Variants in ATP11B observed in about 807,000 individuals in gnomAD.
ATP11B encodes the protein phospholipid-transporting ATPase IF.
ATP11B carries 81 observed loss-of-function variants against 157.8 expected under a neutral mutation model. The observed-to-expected ratio is 0.51, with a 90% CI of 0.43 to 0.62. The LOEUF (loss-of-function observed/expected upper bound fraction) is 0.62. Among genes scored for constraint, ATP11B ranks in the 20% least tolerant of loss-of-function variants. The probability of loss-of-function intolerance (pLI) is 0.00; values close to 1 mark genes in which losing one functional copy is unlikely to be tolerated. For synonymous variants in ATP11B, 451 were observed against 469.4 expected, an observed-to-expected ratio of 0.96 and a Z score of 0.51; for missense variants, 1,165 against 1,402.2, an observed-to-expected ratio of 0.83 and a Z score of 2.70.
At chr3:182,794,443 C>T (rs1228988307) in intron 1 of ATP11B, among the ~76,000 whole-genome samples, 1 of 152,228 alleles carries the variant, frequency 6.6e-6, no homozygotes, top group Non-Finnish European at 1.5e-5. Flanking sequence ...ACGATACGTA[C>T]TGTCGTTTCC....
At chr3:182,887,239 G>A (rs1722858842) in intron 23 of ATP11B, among the ~76,000 whole-genome samples, 1 of 152,138 alleles carries the variant, frequency 6.6e-6, no homozygotes. Context: ...TGTTGCATGT[G>A]GAAGGAGTAG....
chr3:182,814,521 A>G (rs1339793225), intron 1 of ATP11B, among the ~76,000 whole-genome samples: 1 of 152,186 alleles, frequency 6.6e-6, no homozygotes, highest in Non-Finnish European at 1.5e-5. Context: ...GAATTTTACA[A>G]TCTGAGCAGA....
At chr3:182,870,324 T>C (rs193141822) in intron 17 of ATP11B, among the ~76,000 whole-genome samples, 1 of 152,350 alleles carries the variant, frequency 6.6e-6, no homozygotes, top group African/African-American at 2.4e-5. Flanking sequence ...CTCTCAGTCT[T>C]AGAACTTCAT....
intron 1 of ATP11B, among the ~76,000 whole-genome samples, chr3:182,801,546 T>C (rs1489359105): frequency 6.6e-6 from 1 of 152,238 alleles, no homozygotes; most frequent in African/African-American, 2.4e-5. Context: ...GCAAATGGTA[T>C]AATTTATCCT....
chr3:182,793,680 C>G lies in ATP11B; in HGVS notation c.-80C>G. ...CTTCGGCCCGAGGGGCTCGCCCGCT[C>G]CCGCCTCTGTCTTGTCGGCCTCCAC... On this transcript the variant is annotated 5_prime_UTR_variant, in exon 1 of 30. Coordinates refer to ENST00000323116, the MANE Select transcript of ATP11B (RefSeq NM_014616.3). 3 of 991,708 alleles carry G rather than the reference C, an allele frequency of 3.0e-6. No homozygotes were observed. Among genetic ancestry groups the G allele is most frequent in the South Asian group, 1.8e-5 (1 of 56,916 alleles). 61.4% of individuals were successfully genotyped at this position (991,708 alleles called of 1,614,324 possible).
chr3:182,901,412 A>G (rs1379823996), intron 28 of ATP11B, among the ~76,000 whole-genome samples: 3 of 151,728 alleles, frequency 2.0e-5, no homozygotes, highest in Non-Finnish European at 4.4e-5. Context: ...CCTTTATCCA[A>G]AGTGCTTGTT....
rs1715385880 is a variant in ATP11B, at chr3:182,793,652, G to C, written c.-108G>C. 1.6e-6 allele frequency: 1 copy of C among 640,304 alleles called. No individual in the cohort carries two copies. 39.7% of individuals were successfully genotyped at this position (640,304 alleles called of 1,614,324 possible). A position where few individuals can be genotyped will look rare whatever the true frequency, so the allele number is the denominator to read the frequency against. On this transcript the variant is annotated 5_prime_UTR_variant, in exon 1 of 30. Transcript: ENST00000323116. ...GCAGTGGCGGCGGCGGCGGTAAGCGGAACTTCGGCCCGAGGGGCTCGCCCG... is the reference window on the plus strand; with the variant it reads ...GCAGTGGCGGCGGCGGCGGTAAGCGCAACTTCGGCCCGAGGGGCTCGCCCG...
chr3:182,849,026 A>G (rs1434140656), intron 10 of ATP11B, among the ~76,000 whole-genome samples: 6 of 152,218 alleles, frequency 3.9e-5, no homozygotes, highest in African/African-American at 1.2e-4. Context: ...TACTGGATAG[A>G]AGTATCAGAG....
At chr3:182,799,768 C>G (rs1012779565) in intron 1 of ATP11B, among the ~76,000 whole-genome samples, 5 of 151,854 alleles carry the variant, frequency 3.3e-5, no homozygotes, top group Non-Finnish European at 5.9e-5. Flanking sequence ...CTCAGATATT[C>G]TTTATTTTGC....
chr3:182,869,855 C>T (rs1721518835), intron 17 of ATP11B, among the ~76,000 whole-genome samples: 1 of 152,122 alleles, frequency 6.6e-6, no homozygotes, highest in African/African-American at 2.4e-5. Flanking sequence ...TGGAAAACCC[C>T]AAATGTCCAG....
Position 182,919,571 on chromosome 3 carries a change from A to T in ATP11B, c.*1467A>T, listed in dbSNP as rs540740214. ...ATAATGATTGTATACATATTAAGAT[A>T]ATGGTTAAATGCGGTTTTACCAAGT... On this transcript the variant is annotated 3_prime_UTR_variant, in exon 30 of 30. Transcript: ENST00000323116. 5 of 152,444 alleles carry T rather than the reference A, an allele frequency of 3.3e-5. No individual in the cohort carries two copies. In the East Asian group the frequency reaches 9.6e-4, roughly 29 times the overall value. The allele number at this position is 152,444 out of a possible 1,614,324, so 9.4% of individuals were successfully genotyped here.
chr3:182,837,925 TAAAA>T, intron 7 of ATP11B, among the ~76,000 whole-genome samples: 1 of 152,174 alleles, frequency 6.6e-6, no homozygotes, highest in South Asian at 2.1e-4. Context: ...TTTTTATTAT[TAAAA>T]AATTAAACGA....
At chr3:182,894,909 G>C (rs1020115411) in intron 25 of ATP11B, among the ~76,000 whole-genome samples, 4 of 151,656 alleles carry the variant, frequency 2.6e-5, no homozygotes, top group Non-Finnish European at 4.4e-5. Context: ...CTTGAGCCCA[G>C]GAGTTCAAGA....
intron 8 of ATP11B, among the ~76,000 whole-genome samples, chr3:182,842,503 C>T (rs1719129433): frequency 6.6e-6 from 1 of 152,272 alleles, no homozygotes; most frequent in Non-Finnish European, 1.5e-5. Flanking sequence ...CTCTGGAAGC[C>T]CTCCCATCCC....
At chr3:182,810,183 A>T (rs1270005190) in intron 1 of ATP11B, among the ~76,000 whole-genome samples, 1 of 151,978 alleles carries the variant, frequency 6.6e-6, no homozygotes, top group African/African-American at 2.4e-5. Context: ...AATACAAAAG[A>T]TAGCCTGGCA....
intron 28 of ATP11B, among the ~76,000 whole-genome samples, chr3:182,912,914 T>TA (rs1724893173): frequency 6.6e-6 from 1 of 151,474 alleles, no homozygotes; most frequent in African/African-American, 2.4e-5. Context: ...GTTTTTTTTT[T>TA]AAAACAACAG....
chr3:182,916,835 A>AT, intron 29 of ATP11B: 1 of 984,274 alleles, frequency 1.0e-6, no homozygotes, highest in Non-Finnish European at 1.2e-6. Context: ...CTGACTCCGG[A>AT]TAATTGGAGT....
intron 7 of ATP11B, among the ~76,000 whole-genome samples, chr3:182,840,306 CT>C (rs1264345427): frequency 6.6e-6 from 1 of 152,172 alleles, no homozygotes; most frequent in Admixed American, 6.5e-5. Context: ...AGTTTTTCCT[CT>C]TGTCCCAGTC....
chr3:182,799,856 G>GT (rs1715873934), intron 1 of ATP11B, among the ~76,000 whole-genome samples: 1 of 152,124 alleles, frequency 6.6e-6, no homozygotes, highest in South Asian at 2.1e-4. Context: ...GCTCAAACCT[G>GT]TAACCTCGGC....
Sources: gnomAD v4.1 joint callset for allele counts (sites outside exome capture counted in the v4.1 genomes callset) on GRCh38, gnomAD v4.1.1 for gene constraint, MANE v1.5 for transcripts, NCBI Gene and HGNC (gene_info 2026-07-23, HGNC 2026-07-21) for gene names.